METTL15: variants seen among roughly 807,000 people sequenced by gnomAD.
METTL15 encodes the protein 12S rRNA N(4)-cytidine methyltransferase METTL15.
In METTL15, 34 loss-of-function variants were observed where a neutral mutation model predicts 38.3. The ratio of observed to expected loss-of-function variants is 0.89; its 90% CI spans 0.68 to 1.18. The LOEUF is 1.18. METTL15 is among the 50% of genes most tolerant of loss of function. METTL15 has a pLI of 0.00. For synonymous variants in METTL15, 162 were observed against 170.9 expected (o/e 0.95, Z 0.41); for missense variants, 438 against 498.4 (o/e 0.88, Z 1.15).
intron 5 of METTL15, among the ~76,000 whole-genome samples, chr11:28,411,745 G>A (rs994970890): frequency 1.3e-5 from 2 of 151,820 alleles, no homozygotes; most frequent in Admixed American, 6.6e-5. Flanking sequence ...TAAATAATGG[G>A]ACTACATTAA....
intron 5 of METTL15, among the ~76,000 whole-genome samples, chr11:28,423,358 A>C (rs1044047927): frequency 3.9e-5 from 6 of 151,966 alleles, no homozygotes; most frequent in Admixed American, 1.3e-4. Flanking sequence ...ATACCCCCCC[A>C]AAAAAAGAAA....
chr11:28,522,279 C>G (rs1240488634), intron 6 of METTL15, among the ~76,000 whole-genome samples: 1 of 152,120 alleles, frequency 6.6e-6, no homozygotes, highest in Non-Finnish European at 1.5e-5. Flanking sequence ...TGTATGTATA[C>G]AGTATATAGA....
intron 5 of METTL15, among the ~76,000 whole-genome samples, chr11:28,368,178 GA>G (rs1201582869): frequency 1.9e-5 from 2 of 104,858 alleles, no homozygotes; most frequent in East Asian, 3.0e-4. Flanking sequence ...GAAAAAAACA[GA>G]AAAAAAAACA....
intron 3 of METTL15, among the ~76,000 whole-genome samples, chr11:28,117,538 A>C (rs1852028954): frequency 6.6e-6 from 1 of 151,714 alleles, no homozygotes; most frequent in African/African-American, 2.4e-5. Flanking sequence ...ATAAAATTAG[A>C]TAATTCTACA....
At chr11:28,450,406 TTTTC>T (rs1437206339) in intron 6 of METTL15, among the ~76,000 whole-genome samples, 1 of 152,228 alleles carries the variant, frequency 6.6e-6, no homozygotes, top group Non-Finnish European at 1.5e-5. Flanking sequence ...ACAAAATAAA[TTTTC>T]TTTTTCTAAT....
At chr11:28,411,983 G>T (rs576236169) in intron 5 of METTL15, among the ~76,000 whole-genome samples, 22 of 152,186 alleles carry the variant, frequency 1.4e-4, no homozygotes, top group Admixed American at 1.4e-3. Flanking sequence ...CAGCAGGTAT[G>T]TGAAAAGATA....
intron 5 of METTL15, among the ~76,000 whole-genome samples, chr11:28,372,823 T>C (rs2133376796): frequency 7.8e-6 from 1 of 127,854 alleles, no homozygotes; most frequent in Non-Finnish European, 1.6e-5. Context: ...CCTGTGTCCA[T>C]GTGATCTCAT....
rs1849988956 is a variant in METTL15, at chr11:28,345,540, A to G, written c.*190-6550A>G. On this transcript the variant is annotated intron_variant and NMD_transcript_variant, in intron 3 of 7. Transcript: ENST00000532947. ...AGTCATATATATTATTTTGGGAAAT[A>G]CAATTCTAGCTTGAAGAAAAAGGAG... is the stretch of plus-strand genomic sequence containing the variant. Among the ~76,000 whole-genome samples the G allele has an allele frequency of 1.3e-5, 2 of 152,188 alleles. 1 individual carries two copies. The highest frequency in any genetic ancestry group is 4.8e-5 in the African/African-American group (2 of 41,450).
chr11:28,112,690 A>T (rs1239799953), intron 2 of METTL15, among the ~76,000 whole-genome samples: 1 of 152,190 alleles, frequency 6.6e-6, no homozygotes, highest in African/African-American at 2.4e-5. Context: ...GTGTTTATAC[A>T]GTCATAGTTT....
chr11:28,454,695 C>T lies in METTL15; in HGVS notation c.*424+30331C>T, dbSNP rs190660321. 3.3e-5 allele frequency among the ~76,000 whole-genome samples: 5 copies of T among 152,338 alleles called. No individual in the cohort carries two copies. The East Asian group carries it at 7.7e-4, about 23-fold the overall frequency. The stretch of plus-strand genomic sequence containing the variant: ...TAGTCTTTGGTAAATGCGCTTATAT[C>T]AACATATTCAGACTGAACAACAATT... On this transcript the variant is annotated intron_variant and NMD_transcript_variant, in intron 6 of 7. Transcript: ENST00000532947.
chr11:28,240,438 A>G (rs1854243455), intron 4 of METTL15, among the ~76,000 whole-genome samples: 1 of 152,174 alleles, frequency 6.6e-6, no homozygotes, highest in South Asian at 2.1e-4. Flanking sequence ...TTTCATCAAA[A>G]CTTAAACTCT....
chr11:28,235,238 G>C (rs567894367), intron 4 of METTL15, among the ~76,000 whole-genome samples: 61 of 151,900 alleles, frequency 4.0e-4, no homozygotes, highest in African/African-American at 1.3e-3. Flanking sequence ...GTCAGGTAGC[G>C]TGATGCCTCC....
chr11:28,200,162 G>C (rs761786479), intron 3 of METTL15, among the ~76,000 whole-genome samples: 1 of 152,024 alleles, frequency 6.6e-6, no homozygotes, highest in South Asian at 2.1e-4. Context: ...TTCTACTTCT[G>C]TGAAAAAGCA....
At chr11:28,130,543 G>T (rs1335830211) in intron 3 of METTL15, among the ~76,000 whole-genome samples, 1 of 152,114 alleles carries the variant, frequency 6.6e-6, no homozygotes. Flanking sequence ...GATCTTTAAA[G>T]AACAGAATAT....
At chr11:28,373,266 A>C (rs1227861996) in intron 5 of METTL15, among the ~76,000 whole-genome samples, 1 of 151,980 alleles carries the variant, frequency 6.6e-6, no homozygotes, top group East Asian at 1.9e-4. Flanking sequence ...ATTTCTCCAC[A>C]TCCTCTCCAG....
intron 6 of METTL15, among the ~76,000 whole-genome samples, chr11:28,489,986 C>G (rs1452695640): frequency 1.3e-5 from 2 of 151,996 alleles, no homozygotes; most frequent in East Asian, 3.9e-4. Flanking sequence ...TGCATGGTCT[C>G]CCTTCAGAAG....
At chr11:28,202,851 C>T (rs1380290020) in intron 3 of METTL15, among the ~76,000 whole-genome samples, 1 of 152,060 alleles carries the variant, frequency 6.6e-6, no homozygotes, top group Admixed American at 6.6e-5. Flanking sequence ...TTGAAAATGA[C>T]TAAGCAACAT....
intron 6 of METTL15, among the ~76,000 whole-genome samples, chr11:28,483,017 A>G (rs1426029077): frequency 6.6e-6 from 1 of 151,812 alleles, no homozygotes; most frequent in Non-Finnish European, 1.5e-5. Flanking sequence ...GCCCCCACAT[A>G]ACCATACTTC....
At chr11:28,301,265 CT>C (rs1370838251) in intron 6 of METTL15, among the ~76,000 whole-genome samples, 2 of 152,072 alleles carry the variant, frequency 1.3e-5, no homozygotes, top group Non-Finnish European at 2.9e-5. Flanking sequence ...CCTTCCTCTT[CT>C]CTCATCTCCC....
Sources: allele counts gnomAD v4.1 joint callset (sites outside exome capture counted in the v4.1 genomes callset), GRCh38; gene constraint gnomAD v4.1.1; transcripts MANE v1.5; gene names NCBI Gene and HGNC (gene_info 2026-07-23, HGNC 2026-07-21).